Variants in CSMD1 observed in about 807,000 individuals in gnomAD.
CSMD1 encodes CUB and Sushi multiple domains 1.
A neutral mutation model predicts 417.5 loss-of-function variants in CSMD1; 213 were observed. The ratio of observed to expected loss-of-function variants is 0.51; its 90% confidence interval spans 0.46 to 0.57. The LOEUF (loss-of-function observed/expected upper bound fraction) is 0.57, where lower values mean the gene tolerates loss of function less well. Among genes scored for constraint, CSMD1 ranks in the 20% least tolerant of loss-of-function variants. The probability of loss-of-function intolerance (pLI) is 0.00; values close to 1 mark genes in which losing one functional copy is unlikely to be tolerated. For synonymous variants in CSMD1, 2,862 were observed against 1,736.8 expected (o/e 1.65, Z -16.11); for missense variants, 6,923 against 4,529.7 (o/e 1.53, Z -15.17).
At chr8:2,992,933 A>G (rs1037948527) in intron 54 of CSMD1, among the ~76,000 whole-genome samples, 3 of 150,996 alleles carry the variant, frequency 2.0e-5, no homozygotes, top group Admixed American at 2.0e-4. Flanking sequence ...GAGTTTTACT[A>G]TGCTGCCCAG....
Position 3,895,265 on chromosome 8 carries a change from T to C in CSMD1, c.818+102638A>G, listed in dbSNP as rs560782372. Among the ~76,000 whole-genome samples, 7 of 152,302 alleles carry C rather than the reference T, an allele frequency of 4.6e-5. No individual in the cohort carries two copies. In the East Asian group the frequency reaches 1.4e-3, roughly 29 times the overall value. On this transcript the variant is annotated intron_variant, in intron 5 of 69. Coordinates refer to ENST00000635120, the MANE Select transcript of CSMD1 (RefSeq NM_033225.6). ...TGTGCTTACAACAACAAAGAGATGG[T>C]CTACTGCTTTCTATTTAAATTATGT...
intron 10 of CSMD1, among the ~76,000 whole-genome samples, chr8:3,494,234 T>A (rs111767436): frequency 0.017 from 2,576 of 152,222 alleles, 72 homozygotes; most frequent in African/African-American, 0.058. Context: ...AGCCTGTAAG[T>A]TTTTTGTTTG....
chr8:3,919,975 A>G (rs1809114210), intron 5 of CSMD1, among the ~76,000 whole-genome samples: 1 of 151,752 alleles, frequency 6.6e-6, no homozygotes, highest in South Asian at 2.1e-4. Context: ...TTAGTGTGTA[A>G]TCTGTGAATA....
chr8:4,441,022 T>C (rs1798438979), intron 2 of CSMD1, among the ~76,000 whole-genome samples: 1 of 147,694 alleles, frequency 6.8e-6, no homozygotes, highest in Admixed American at 6.9e-5. Context: ...AAAATATTAA[T>C]GAAAATATAT....
chr8:4,978,492 ACC>A (rs910399820), intron 1 of CSMD1, among the ~76,000 whole-genome samples: 1 of 152,170 alleles, frequency 6.6e-6, no homozygotes, highest in Non-Finnish European at 1.5e-5. Flanking sequence ...GATTTCACTA[ACC>A]GCTCCTCACC....
rs180917414 is a variant in CSMD1, at chr8:3,363,476, C to G, written c.3115+3556G>C. 1.3e-5 allele frequency among the ~76,000 whole-genome samples: 2 copies of G among 152,230 alleles called. 1 individual carries two copies. The highest frequency in any genetic ancestry group is 1.3e-4 in the Admixed American group (2 of 15,282). ...TGTCAGAGACACCCTCTGACCTGGA[C>G]AGGAGGAGTTTTGCCTGGTGAAAAA... On this transcript the variant is annotated intron_variant, in intron 20 of 69. Transcript: ENST00000635120.
rs1003020502 is a variant in CSMD1 at position 3,469,669 on chromosome 8, T to C, written c.1449-845A>G. 2.6e-5 allele frequency among the ~76,000 whole-genome samples: 4 copies of C among 152,202 alleles called. No homozygotes were observed. The Middle Eastern group carries it at 9.5e-3, about 361-fold the overall frequency. ...ATAGGAAGCTTGACTTTCAGCAAAG[T>C]AGTTTCAGGAATATGAGCATATGAT... On this transcript the variant is annotated intron_variant, in intron 11 of 69. Transcript: ENST00000635120.
intron 3 of CSMD1, among the ~76,000 whole-genome samples, chr8:4,123,505 G>A (rs1351998674): frequency 4.6e-5 from 7 of 152,096 alleles, no homozygotes; most frequent in African/African-American, 1.4e-4. Flanking sequence ...AGAAGATTCG[G>A]GACTGTGTTT....
intron 20 of CSMD1, 150 bp downstream of exon 20, chr8:3,366,882 C>T: frequency 1.4e-6 from 1 of 691,962 alleles, no homozygotes; most frequent in East Asian, 2.7e-5. Context: ...GCTCAGCCTC[C>T]TGCACCCCAT....
chr8:3,305,170 C>A (rs1804733047), intron 25 of CSMD1, among the ~76,000 whole-genome samples: 1 of 152,138 alleles, frequency 6.6e-6, no homozygotes, highest in Non-Finnish European at 1.5e-5. Context: ...CAGGTGTGAG[C>A]CGCTATGCCT....
At chr8:4,235,941 T>C (rs1038885637) in intron 3 of CSMD1, among the ~76,000 whole-genome samples, 2 of 151,642 alleles carry the variant, frequency 1.3e-5, no homozygotes, top group South Asian at 2.1e-4. Flanking sequence ...GTGTTTACCG[T>C]GAAATTAACC....
At chr8:3,267,051 C>A (rs887992492) in intron 26 of CSMD1, among the ~76,000 whole-genome samples, 1 of 152,086 alleles carries the variant, frequency 6.6e-6, no homozygotes, top group African/African-American at 2.4e-5. Flanking sequence ...GAGACTTGAG[C>A]ATATTTACAT....
chr8:3,958,205 C>A (rs1333786608), intron 5 of CSMD1, among the ~76,000 whole-genome samples: 1 of 152,138 alleles, frequency 6.6e-6, no homozygotes, highest in Admixed American at 6.5e-5. Flanking sequence ...AATATCTTAA[C>A]CCAGAAATCC....
Position 3,644,410 on chromosome 8 carries a change from T to A in CSMD1, c.1010-27613A>T, listed in dbSNP as rs1482206. Among the ~76,000 whole-genome samples the A allele has an allele frequency of 3.3e-5, 5 of 152,088 alleles. No individual in the cohort carries two copies. In the East Asian group the frequency reaches 9.7e-4, roughly 29 times the overall value. On this transcript the variant is annotated intron_variant, in intron 7 of 69. Coordinates refer to ENST00000635120, the MANE Select transcript of CSMD1 (RefSeq NM_033225.6). The stretch of plus-strand genomic sequence containing the variant: ...CTGGAGAAGCCCTGGAAGCCTCGCA[T>A]TTACAGTTTCCTCACCTTAAAATAG...
intron 6 of CSMD1, among the ~76,000 whole-genome samples, chr8:3,722,001 C>T (rs1250255874): frequency 2.0e-5 from 3 of 152,140 alleles, no homozygotes; most frequent in South Asian, 2.1e-4. Context: ...CAAGCCAGTA[C>T]ACATGGGTGG....
At chr8:4,207,710 G>T (rs537291504) in intron 3 of CSMD1, among the ~76,000 whole-genome samples, 2 of 152,058 alleles carry the variant, frequency 1.3e-5, no homozygotes, top group Non-Finnish European at 2.9e-5. Flanking sequence ...TTTTTCTGAT[G>T]AGTGTATTAA....
At chr8:3,317,389 G>C (rs190656805) in intron 23 of CSMD1, among the ~76,000 whole-genome samples, 1 of 152,196 alleles carries the variant, frequency 6.6e-6, no homozygotes, top group Non-Finnish European at 1.5e-5. Context: ...AATTACCCAA[G>C]CTATAGGCAT....
At chr8:3,635,628 C>T (rs1020625675) in intron 7 of CSMD1, among the ~76,000 whole-genome samples, 18 of 151,196 alleles carry the variant, frequency 1.2e-4, no homozygotes, top group African/African-American at 2.9e-4. Flanking sequence ...GGACTACAGG[C>T]GCCAGCCACC....
In CSMD1 at chr8:3,699,042, T is replaced by A. The variant is rs146889115; in HGVS notation, c.1009+9372A>T. ...CACATCCCACCTCAAGCTCTGGATCTAGCGAAGCACTCTGCAGAAAGGCAG... is the reference window on the plus strand; with the variant it reads ...CACATCCCACCTCAAGCTCTGGATCAAGCGAAGCACTCTGCAGAAAGGCAG... On this transcript the variant is annotated intron_variant, in intron 7 of 69. Transcript: ENST00000635120. 5.9e-3 allele frequency among the ~76,000 whole-genome samples: 905 copies of A among 152,320 alleles called. 11 individuals are homozygous for A. Among genetic ancestry groups the A allele is most frequent in the African/African-American group, 0.017 (726 of 41,582 alleles).
Sources: gnomAD v4.1 joint callset for allele counts (sites outside exome capture counted in the v4.1 genomes callset) on GRCh38, gnomAD v4.1.1 for gene constraint, MANE v1.5 for transcripts, NCBI Gene and HGNC (gene_info 2026-07-23, HGNC 2026-07-21) for gene names.